The following REPS2 variants were observed in gnomAD, a reference collection of about 807,000 sequenced individuals.
The protein encoded by REPS2 is RALBP1 associated Eps domain containing 2, also known as ralBP1-associated Eps domain-containing protein 2.
Under a neutral mutation model 53.6 loss-of-function variants are expected in REPS2, and 23 were observed. The observed-to-expected ratio is 0.43, with a 90% confidence interval of 0.31 to 0.61. REPS2 has a LOEUF of 0.61. Ranked by LOEUF, REPS2 falls within the 20% of genes least tolerant of loss-of-function variation. The pLI, the probability that REPS2 is intolerant of heterozygous loss-of-function variation, is 0.11. For synonymous variants in REPS2, 238 were observed against 218.6 expected, an observed-to-expected ratio of 1.09 and a Z score of -0.78; for missense variants, 446 against 534.9, an observed-to-expected ratio of 0.83 and a Z score of 1.64.
At chrX:17,045,323 T>C (rs2061891660) in intron 5 of REPS2, among the ~76,000 whole-genome samples, 1 of 110,598 alleles carries the variant, frequency 9.0e-6, no homozygotes, top group Admixed American at 9.8e-5. Context: ...AAATCCTGCC[T>C]TTGAATAAGA....
chrX:17,067,643 T>C (rs1421648373), intron 9 of REPS2, among the ~76,000 whole-genome samples: 2 of 112,306 alleles, frequency 1.8e-5, no homozygotes, highest in Admixed American at 1.9e-4. Context: ...TTTAATCTGC[T>C]CATCAGTAAA....
At chrX:17,008,404 T>C (rs1055190137) in intron 2 of REPS2, among the ~76,000 whole-genome samples, 2 of 112,287 alleles carry the variant, frequency 1.8e-5, no homozygotes. Flanking sequence ...CAGTTTAATT[T>C]CCTGAGGGCA....
rs2063573582 is a variant in REPS2 at position 17,152,009 on chromosome X, T to G, written c.*4528T>G. The G allele has an allele frequency of 9.0e-6, 1 of 110,940 alleles. No individual in the cohort carries two copies. The highest frequency in any genetic ancestry group is 1.9e-5 in the Non-Finnish European group (1 of 52,975). 9.1% of individuals were successfully genotyped at this position (110,940 alleles called of 1,213,427 possible). ...CTAGGGGAGATCCTACCAACACTGA[T>G]AGGTCAGTCATTGATGGCAATTTGA... On this transcript the variant is annotated 3_prime_UTR_variant, in exon 18 of 18. Coordinates refer to ENST00000357277, the MANE Select transcript of REPS2 (RefSeq NM_004726.3).
At chrX:16,967,133 G>A (rs1315969837) in intron 1 of REPS2, among the ~76,000 whole-genome samples, 1 of 111,925 alleles carries the variant, frequency 8.9e-6, no homozygotes, top group African/African-American at 3.2e-5. Flanking sequence ...AAATGGTTGG[G>A]AAAACATAAA....
intron 13 of REPS2, among the ~76,000 whole-genome samples, chrX:17,100,877 G>C: frequency 9.0e-6 from 1 of 110,908 alleles, no homozygotes; most frequent in Non-Finnish European, 1.9e-5. Flanking sequence ...CCAGGAGTTT[G>C]AGACTGCAGT....
chrX:16,968,346 G>C (rs1335332506), intron 1 of REPS2, among the ~76,000 whole-genome samples: 529 of 112,656 alleles, frequency 4.7e-3, no homozygotes, highest in Non-Finnish European at 7.5e-3. Flanking sequence ...CGTTCTCAGT[G>C]AGCTGTTGGG....
At chrX:17,071,888 T>C (rs943031000) in intron 11 of REPS2, among the ~76,000 whole-genome samples, 2 of 112,346 alleles carry the variant, frequency 1.8e-5, no homozygotes, top group African/African-American at 6.5e-5. Context: ...TTGTAATTGC[T>C]GAGAGTGTCT....
chrX:17,189,576 C>T, the REPS2 span, among the ~76,000 whole-genome samples: 5 of 111,258 alleles, frequency 4.5e-5, no homozygotes, highest in African/African-American at 6.5e-5. Context: ...CATGAGCCAC[C>T]GCACCCAGTG....
chrX:17,163,779 A>G, the REPS2 span, among the ~76,000 whole-genome samples: 2 of 112,213 alleles, frequency 1.8e-5, no homozygotes, highest in Non-Finnish European at 3.8e-5. Flanking sequence ...AATGGAAAGA[A>G]TTTGTCACAA....
chrX:17,176,900 G>A, the REPS2 span, among the ~76,000 whole-genome samples: 1 of 112,316 alleles, frequency 8.9e-6, no homozygotes, highest in African/African-American at 3.2e-5. Context: ...TAATGATGAT[G>A]AATGTCAGTG....
chrX:17,046,021 C>G (rs1363555471), intron 5 of REPS2, among the ~76,000 whole-genome samples: 2 of 109,970 alleles, frequency 1.8e-5, no homozygotes, highest in Admixed American at 9.7e-5. Context: ...GGTGGAATTG[C>G]CCGCCCAATG....
intron 5 of REPS2, among the ~76,000 whole-genome samples, chrX:17,030,147 T>C (rs749783425): frequency 8.9e-6 from 1 of 112,184 alleles, no homozygotes; most frequent in Non-Finnish European, 1.9e-5. Flanking sequence ...ACAAAAGAAA[T>C]ATTATGGCAA....
At chrX:16,987,920 G>A (rs760699902) in intron 1 of REPS2, among the ~76,000 whole-genome samples, 229 of 111,081 alleles carry the variant, frequency 2.1e-3, no homozygotes, top group South Asian at 0.019. Context: ...GTTTTTCAGC[G>A]TTGTGCTAGA....
At chrX:17,156,760 C>A (rs895122380), downstream of REPS2, among the ~76,000 whole-genome samples, 1 of 111,272 alleles carries the variant, frequency 9.0e-6, no homozygotes, top group Admixed American at 9.5e-5. Context: ...GGAATGGAAT[C>A]AAGGAAACCA....
Position 17,077,338 on chromosome X carries a change from C to T in REPS2, c.1447C>T (p.Arg483Trp). 4 of 1,210,343 alleles carry T rather than the reference C, an allele frequency of 3.3e-6. No homozygotes were observed. The highest frequency in any genetic ancestry group is 4.5e-6 in the Non-Finnish European group (4 of 894,553). The change falls in exon 13 of 18, where the codon CGG becomes TGG. Residue 483 changes from arginine (R) to tryptophan (W), a missense_variant. Arg to Trp is a moderately radical substitution (Grantham distance 101, BLOSUM62 -3). Transcript: ENST00000357277. The part of the protein sequence containing the change: ...RGEDPPTPPP[R>W]PQKTHSRASS... ...CGAGGACCCTCCCACCCCGCCACCT[C>T]GGCCACAGAAAACCCATTCCAGAGC...
At chrX:17,005,175 A>G (rs1252282235) in intron 1 of REPS2, among the ~76,000 whole-genome samples, 1 of 111,473 alleles carries the variant, frequency 9.0e-6, no homozygotes, top group Admixed American at 9.6e-5. Flanking sequence ...TTTTTGAGGT[A>G]GGTTTCATTC....
At chrX:17,133,144 C>T (rs1234483586) in intron 14 of REPS2, among the ~76,000 whole-genome samples, 2 of 111,104 alleles carry the variant, frequency 1.8e-5, no homozygotes, top group Non-Finnish European at 1.9e-5. Flanking sequence ...TCCCCTTTAC[C>T]TTCTCTCCCT....
At chrX:17,134,704 A>C (rs999450536) in intron 15 of REPS2, among the ~76,000 whole-genome samples, 1 of 109,176 alleles carries the variant, frequency 9.2e-6, no homozygotes, top group Non-Finnish European at 1.9e-5. Flanking sequence ...ATCTCGGCTC[A>C]CTGCAAGCTC....
chrX:17,102,312 G>C lies in REPS2; in HGVS notation c.1517-1406G>C, dbSNP rs150048143. Among the ~76,000 whole-genome samples, 153 of 111,524 alleles carry C rather than the reference G, an allele frequency of 1.4e-3. 2 individuals are homozygous for C. Among genetic ancestry groups the C allele is most frequent in the Admixed American group, 1.9e-3 (20 of 10,424 alleles). On this transcript the variant is annotated intron_variant, in intron 13 of 17. Coordinates refer to ENST00000357277, the MANE Select transcript of REPS2 (RefSeq NM_004726.3). ...GCCTATGCCAGTCTCAAACTCCTGA[G>C]CTCAAGGGATCCGCCTACCTTGGCC...
Sources: allele counts gnomAD v4.1 joint callset (sites outside exome capture counted in the v4.1 genomes callset), GRCh38; gene constraint gnomAD v4.1.1; transcripts MANE v1.5; gene names NCBI Gene and HGNC (gene_info 2026-07-23, HGNC 2026-07-21).